Variants in SBNO2 observed in about 807,000 individuals in gnomAD.
The protein encoded by SBNO2 is strawberry notch homolog 2.
SBNO2 carries 89 observed loss-of-function variants against 146.3 expected under a neutral mutation model. That is an observed-to-expected ratio of 0.61 (90% CI 0.51 to 0.73). The LOEUF is 0.73. Ranked by LOEUF, SBNO2 falls within the 30% of genes least tolerant of loss-of-function variation. The pLI is 0.00. For synonymous variants in SBNO2, 1,147 were observed against 892.6 expected (o/e 1.29, Z -5.08); for missense variants, 2,092 against 2,003.7 (o/e 1.04, Z -0.84).
Position 1,108,221 on chromosome 19 carries a change from CAG to C in SBNO2, c.4098_4099del (p.Ter1367ThrfsTer4), listed in dbSNP as rs1419542465. 4 of 1,527,356 alleles carry C rather than the reference CAG, an allele frequency of 2.6e-6. No individual in the cohort carries two copies. The highest frequency in any genetic ancestry group is 1.2e-5 in the South Asian group (1 of 83,298). The allele number at this position is 1,527,356 out of a possible 1,614,324, so 94.6% of individuals were successfully genotyped here. Reference sequence around the variant, plus strand: ...GGGCATGTTTCGCCTAAAGGCGTGTCAGAGAGGAGCCTGGGCGCCGGGGAAGG... The same window carrying C: ...GGGCATGTTTCGCCTAAAGGCGTGTCAGAGGAGCCTGGGCGCCGGGGAAGG... On this transcript the variant is annotated frameshift_variant and stop_lost, in exon 32 of 32. Coordinates refer to ENST00000361757, the MANE Select transcript of SBNO2 (RefSeq NM_014963.3). LOFTEE classifies it high-confidence loss of function.
intron 4 of SBNO2, among the ~76,000 whole-genome samples, chr19:1,142,611 C>A (rs2080151784): frequency 1.3e-5 from 2 of 152,162 alleles, no homozygotes; most frequent in South Asian, 4.1e-4. Flanking sequence ...ACTTGGGAGG[C>A]AGAGGTTGCA....
chr19:1,123,566 G>C lies in SBNO2; in HGVS notation c.596C>G (p.Thr199Arg). The C allele has an allele frequency of 6.2e-7, 1 of 1,613,608 alleles. No individual in the cohort carries two copies. The highest frequency in any genetic ancestry group is 8.5e-7 in the Non-Finnish European group (1 of 1,179,812). ...EEEEAEELGHTETYADYVPSK... is the reference protein window; with the variant it reads ...EEEEAEELGHRETYADYVPSK... ...CGGCACGTAGTCGGCGTAGGTCTCTGTGTGCCCCAGCTCCTCCGCCTCCTC... is the reference window on the plus strand; with the variant it reads ...CGGCACGTAGTCGGCGTAGGTCTCTCTGTGCCCCAGCTCCTCCGCCTCCTC... Residue 199 changes from threonine to arginine, a missense_variant, in exon 7 of 32, where the codon ACA becomes AGA. Thr to Arg is a moderately conservative substitution (Grantham distance 71). Transcript: ENST00000361757.
chr19:1,114,989 G>A (rs1301247004), intron 17 of SBNO2, among the ~76,000 whole-genome samples: 1 of 151,828 alleles, frequency 6.6e-6, no homozygotes, highest in African/African-American at 2.4e-5. Context: ...GAGTGCAGTG[G>A]TGCGATCTCA....
chr19:1,129,643 G>A (rs1231606603), intron 4 of SBNO2, among the ~76,000 whole-genome samples: 3 of 152,190 alleles, frequency 2.0e-5, no homozygotes, highest in African/African-American at 7.2e-5. Context: ...AGAGGGCCTG[G>A]TCACGCTGAC....
rs1032152125 is a variant in SBNO2, at chr19:1,157,173, C to T, written c.-126-2771G>A. 5.3e-5 allele frequency among the ~76,000 whole-genome samples: 8 copies of T among 152,134 alleles called. No individual in the cohort carries two copies. The highest frequency in any genetic ancestry group is 1.0e-4 in the Non-Finnish European group (7 of 68,002). On this transcript the variant is annotated intron_variant, in intron 1 of 31. Coordinates refer to ENST00000361757, the MANE Select transcript of SBNO2 (RefSeq NM_014963.3). The surrounding 1 kb of genome is among the most constrained non-coding windows in gnomAD (Gnocchi z 6.8). ...TCCCACCCCATGGTCCTGAGCCCTC[C>T]GGACCCTTCCCCCATTGACTCCGCC...
In SBNO2 at chr19:1,110,701, C is replaced by T. The variant is rs370523437; in HGVS notation, c.3028+44G>A. ...GGATGCATGGCGTTCCCACGAGCCCCGCACCCACACCCACCCACACCACAC... is the reference window on the plus strand; with the variant it reads ...GGATGCATGGCGTTCCCACGAGCCCTGCACCCACACCCACCCACACCACAC... On this transcript the variant is annotated intron_variant, in intron 26 of 31. Transcript: ENST00000361757. The surrounding 1 kb of genome is among the most constrained non-coding windows in gnomAD (Gnocchi z 4.9). 1.6e-5 allele frequency: 26 copies of T among 1,606,884 alleles called. No homozygotes were observed. The highest frequency in any genetic ancestry group is 2.7e-5 in the African/African-American group (2 of 74,708).
rs1293861282 is a variant in SBNO2, at chr19:1,150,383, AG to A, written c.94-942del. ...CCCTGCAGAATGGGCACCCCTCAGCAGGGCCCCCACCTGCACAGGGCCAACC... is the reference window on the plus strand; with the variant it reads ...CCCTGCAGAATGGGCACCCCTCAGCAGGCCCCCACCTGCACAGGGCCAACC... On this transcript the variant is annotated intron_variant, in intron 2 of 31. Transcript: ENST00000361757. This position sits in a 1 kb window ranked among gnomAD's most constrained non-coding sequence, Gnocchi z 6.2. Among the ~76,000 whole-genome samples, 2 of 151,992 alleles carry A rather than the reference AG, an allele frequency of 1.3e-5. No individual in the cohort carries two copies. Among genetic ancestry groups the A allele is most frequent in the South Asian group, 2.1e-4 (1 of 4,828 alleles).
In SBNO2 at chr19:1,144,759, G is replaced by GAGAGACAGAGGCAGAGACAA. The variant is rs1358584780; in HGVS notation, c.279+2530_279+2549dup. Among the ~76,000 whole-genome samples the GAGAGACAGAGGCAGAGACAA allele has an allele frequency of 6.6e-6, 1 of 151,674 alleles. No homozygotes were observed. The highest frequency in any genetic ancestry group is 2.4e-5 in the African/African-American group (1 of 41,262). ...AAAGAGACAGGTGGAGAGGGAGACA[G>GAGAGACAGAGGCAGAGACAA]AGAGACAGAGGCAGAGACAAAGAGA... On this transcript the variant is annotated intron_variant, in intron 4 of 31. Coordinates refer to ENST00000361757, the MANE Select transcript of SBNO2 (RefSeq NM_014963.3). The surrounding 1 kb of genome is among the most constrained non-coding windows in gnomAD (Gnocchi z 4.1).
chr19:1,122,609 T>TGACCCC, intron 9 of SBNO2, 49 bp downstream of exon 9: 1 of 248,898 alleles, frequency 4.0e-6, no homozygotes, highest in Non-Finnish European at 5.8e-6. Flanking sequence ...CGCCCCCCGC[T>TGACCCC]TCCGCCCCCC....
At chr19:1,123,827 C>T (rs2079933767) in intron 6 of SBNO2, 115 bp downstream of exon 6, 1 of 1,202,476 alleles carries the variant, frequency 8.3e-7, no homozygotes, top group Non-Finnish European at 1.2e-6. Context: ...AAAATGGGCA[C>T]TCCCAGCTTC....
At position 1,108,982 on chromosome 19, in the gene SBNO2, C is replaced by A; in HGVS notation, c.3426-13G>T. 2 of 1,504,890 alleles carry A rather than the reference C, an allele frequency of 1.3e-6. No homozygotes were observed. The highest frequency in any genetic ancestry group is 1.8e-6 in the Non-Finnish European group (2 of 1,130,864). 93.2% of individuals were successfully genotyped at this position (1,504,890 alleles called of 1,614,324 possible). On this transcript the variant is annotated splice_polypyrimidine_tract_variant and intron_variant, in intron 30 of 31. Coordinates refer to ENST00000361757, the MANE Select transcript of SBNO2 (RefSeq NM_014963.3). ...GCAGTGCCGGTTCCTGCGGACGAGA[C>A]GGGTCGTCTCGGCTCAGGCGGGTCC...
chr19:1,145,741 G>A (rs964084924), intron 4 of SBNO2, among the ~76,000 whole-genome samples: 2 of 152,152 alleles, frequency 1.3e-5, no homozygotes, highest in African/African-American at 4.8e-5. Context: ...TGTCCGGCTG[G>A]CATGGCGCAG....
In SBNO2 at chr19:1,144,375, G is replaced by A. The variant is rs2080166817; in HGVS notation, c.279+2934C>T. 6.6e-6 allele frequency among the ~76,000 whole-genome samples: 1 copy of A among 152,198 alleles called. No individual in the cohort carries two copies. The highest frequency in any genetic ancestry group is 1.5e-5 in the Non-Finnish European group (1 of 68,040). The stretch of plus-strand genomic sequence containing the variant: ...CCAAGCTGCCCCACATACGGACGCT[G>A]GAGCATGAGGCGGCTGTAGGCAGGG... On this transcript the variant is annotated intron_variant, in intron 4 of 31. Transcript: ENST00000361757. The surrounding 1 kb of genome is among the most constrained non-coding windows in gnomAD (Gnocchi z 4.1).
rs1352768261 is a variant in SBNO2, at chr19:1,110,739, G to C, written c.3028+6C>G. On this transcript the variant is annotated splice_donor_region_variant and intron_variant, in intron 26 of 31. Transcript: ENST00000361757. This position sits in a 1 kb window ranked among gnomAD's most constrained non-coding sequence, Gnocchi z 4.9. ...ACCCACACCACACCCCGGCACCTGT[G>C]CTCACCCAGGATGCCCATGTCGTAT... is the stretch of plus-strand genomic sequence containing the variant. 10 of 1,613,314 alleles carry C rather than the reference G, an allele frequency of 6.2e-6. No individual in the cohort carries two copies. The highest frequency in any genetic ancestry group is 8.5e-6 in the Non-Finnish European group (10 of 1,179,644).
chr19:1,117,059 G>A (rs920395136), intron 15 of SBNO2, 133 bp from the exon 16 acceptor site: 9 of 887,346 alleles, frequency 1.0e-5, no homozygotes, highest in Admixed American at 7.5e-5. Flanking sequence ...GAGGGGCCAC[G>A]GCCCCCCTAC....
rs531388499 is a variant in SBNO2, at chr19:1,157,359, G to A, written c.-126-2957C>T. Among the ~76,000 whole-genome samples the A allele has an allele frequency of 2.0e-3, 290 of 144,254 alleles. 3 individuals are homozygous for A. Among genetic ancestry groups the A allele is most frequent in the African/African-American group, 7.0e-3 (274 of 39,424 alleles). The allele number at this position is 144,254 out of a possible 152,430, so 94.6% of individuals were successfully genotyped here. ...AGCCCCGGAGACGCTCTCCCCACGC[G>A]GCCCCGGAGACCCTCTGCCACGCAG... On this transcript the variant is annotated intron_variant, in intron 1 of 31. Transcript: ENST00000361757. The surrounding 1 kb of genome is among the most constrained non-coding windows in gnomAD (Gnocchi z 6.8).
chr19:1,109,676 T>C lies in SBNO2; in HGVS notation c.3123+7A>G. ...GAGTGTGAGGGGCTGTGGGGCTTCC[T>C]GCTGACCTTGTAGAAGACCACCTGC... On this transcript the variant is annotated splice_region_variant and intron_variant, in intron 27 of 31. Coordinates refer to ENST00000361757, the MANE Select transcript of SBNO2 (RefSeq NM_014963.3). This position sits in a 1 kb window ranked among gnomAD's most constrained non-coding sequence, Gnocchi z 4.2. 1 of 1,607,518 alleles carries C rather than the reference T, an allele frequency of 6.2e-7. No homozygotes were observed. Among genetic ancestry groups the C allele is most frequent in the Non-Finnish European group, 8.5e-7 (1 of 1,176,764 alleles).
At chr19:1,139,285 C>T (rs1599858093) in intron 4 of SBNO2, among the ~76,000 whole-genome samples, 2 of 152,056 alleles carry the variant, frequency 1.3e-5, no homozygotes, top group East Asian at 1.9e-4. Flanking sequence ...ATGTGCAGGA[C>T]AGGCCAAGCC....
chr19:1,108,619 G>C lies in SBNO2; in HGVS notation c.3702C>G (p.Pro1234=), dbSNP rs1048460671. 16 of 1,440,654 alleles carry C rather than the reference G, an allele frequency of 1.1e-5. No homozygotes were observed. The African/African-American group carries it at 2.1e-4, about 19-fold the overall frequency. The allele number at this position is 1,440,654 out of a possible 1,614,324, so 89.2% of individuals were successfully genotyped here. A position where few individuals can be genotyped will look rare whatever the true frequency, so the allele number is the denominator to read the frequency against. Reference sequence around the variant, plus strand: ...CGGGCGGGGCGGGGCAGCCCAGGGCGGGCGCCTGCCTGCGCTTCACGTCCG... The same window carrying C: ...CGGGCGGGGCGGGGCAGCCCAGGGCCGGCGCCTGCCTGCGCTTCACGTCCG... ...MDADVKRRQA[P]ALGCPAPPAP... is the part of the protein sequence containing the mutation. Residue 1234 remains proline, a synonymous_variant, in exon 32 of 32, where the codon CCC becomes CCG. Coordinates refer to ENST00000361757, the MANE Select transcript of SBNO2 (RefSeq NM_014963.3).
Sources: gnomAD v4.1 joint callset for allele counts (sites outside exome capture counted in the v4.1 genomes callset) on GRCh38, gnomAD v4.1.1 for gene constraint, Gnocchi (gnomAD v3.1) non-coding constraint, MANE v1.5 for transcripts, NCBI Gene and HGNC (gene_info 2026-07-23, HGNC 2026-07-21) for gene names.